WDR27: variants seen among roughly 807,000 people sequenced by gnomAD.
The protein encoded by WDR27 is WD repeat domain 27.
Under a neutral mutation model 114.4 loss-of-function variants are expected in WDR27, and 100 were observed. That is an observed-to-expected ratio of 0.87 (90% CI 0.74 to 1.03). WDR27 has a LOEUF of 1.03. Among genes scored for constraint, WDR27 ranks in the 50% least tolerant of loss-of-function variants. The pLI is 0.00. For synonymous variants in WDR27, 449 were observed against 423.1 expected (o/e 1.06, Z -0.75); for missense variants, 1,129 against 1,092.9 (o/e 1.03, Z -0.47).
chr6:169,675,123 C>T (rs1779765252), intron 2 of WDR27, among the ~76,000 whole-genome samples: 1 of 152,162 alleles, frequency 6.6e-6, no homozygotes, highest in Non-Finnish European at 1.5e-5. Context: ...AGCTTGGGCT[C>T]AGAGGCCTGA....
chr6:169,526,671 T>TAAAATTTTGCTTACTAA (rs1483552411), intron 25 of WDR27, among the ~76,000 whole-genome samples: 1 of 151,980 alleles, frequency 6.6e-6, no homozygotes, highest in African/African-American at 2.4e-5. Context: ...TAAATGAAAT[T>TAAAATTTTGCTTACTAA]AAAATTTTGC....
At position 169,668,124 on chromosome 6, in the gene WDR27, G is replaced by A; in HGVS notation, c.518C>T (p.Pro173Leu). The change falls in exon 5 of 26, where the codon CCA becomes CTA. Residue 173 changes from proline (P) to leucine (L), a missense_variant. Physicochemically the swap from Pro to Leu is moderately conservative, Grantham distance 98 (BLOSUM62 -3). Coordinates refer to ENST00000448612, the MANE Select transcript of WDR27 (RefSeq NM_182552.5). ...PDVNNRHKVP[P>L]PTFLHTFSQT... Reference sequence around the variant, plus strand: ...AGAGAATGTGTGCAGGAAGGTCGGTGGTGGGACTTTGTGGCGGTTATTAAC... The same window carrying A: ...AGAGAATGTGTGCAGGAAGGTCGGTAGTGGGACTTTGTGGCGGTTATTAAC... 1 of 1,614,040 alleles carries A rather than the reference G, an allele frequency of 6.2e-7. No individual in the cohort carries two copies. Among genetic ancestry groups the A allele is most frequent in the Non-Finnish European group, 8.5e-7 (1 of 1,179,902 alleles).
chr6:169,615,011 T>TA (rs1409225377), intron 21 of WDR27, among the ~76,000 whole-genome samples: 1 of 151,914 alleles, frequency 6.6e-6, no homozygotes, highest in African/African-American at 2.4e-5. Context: ...GGTAAACTTT[T>TA]AAAAAATGTG....
At chr6:169,654,921 T>C (rs1042037616) in intron 13 of WDR27, among the ~76,000 whole-genome samples, 2 of 152,186 alleles carry the variant, frequency 1.3e-5, no homozygotes, top group Admixed American at 6.5e-5. Flanking sequence ...TTAGTGACAG[T>C]GCGGGATCAT....
chr6:169,542,566 T>C (rs1796959318), intron 25 of WDR27, among the ~76,000 whole-genome samples: 1 of 152,112 alleles, frequency 6.6e-6, no homozygotes. Flanking sequence ...AGGAAAATGG[T>C]GACAAAGCAT....
chr6:169,636,388 G>C lies in WDR27; in HGVS notation c.1986C>G (p.Cys662Trp). 2 of 1,613,806 alleles carry C rather than the reference G, an allele frequency of 1.2e-6. No individual in the cohort carries two copies. The highest frequency in any genetic ancestry group is 1.1e-5 in the South Asian group (1 of 91,048). The stretch of plus-strand genomic sequence containing the variant: ...GTGCCTACCTCTTAATCTCATCTTT[G>C]CAAGTGTCAATGTGATACCTCAGTA... ...FQLLRYHIDT[C>W]KDEIKRYKQK... The change falls in exon 19 of 26, where the codon TGC becomes TGG. Residue 662 changes from cysteine (C) to tryptophan (W), a missense_variant. Cys to Trp is a radical substitution (Grantham distance 215). Coordinates refer to ENST00000448612, the MANE Select transcript of WDR27 (RefSeq NM_182552.5).
downstream of WDR27, among the ~76,000 whole-genome samples, chr6:169,454,627 C>T (rs1784278611): frequency 6.6e-6 from 1 of 152,144 alleles, no homozygotes; most frequent in Non-Finnish European, 1.5e-5. Context: ...ATGTTCAGAC[C>T]ACCCCCCTTG....
chr6:169,647,782 G>A lies in WDR27; in HGVS notation c.1648C>T (p.Gln550Ter), dbSNP rs1175000451. 3.2e-6 allele frequency: 5 copies of A among 1,580,954 alleles called. No homozygotes were observed. In the East Asian group the frequency reaches 1.2e-4, roughly 36 times the overall value. The change falls in exon 16 of 26, where the codon CAG becomes TAG. Residue 550 changes from glutamine (Q) to a stop codon, truncating the protein, a stop_gained. Coordinates refer to ENST00000448612, the MANE Select transcript of WDR27 (RefSeq NM_182552.5). LOFTEE classifies it high-confidence loss of function. ...APTCTRVCCI[Q>*]YSGDGQWLAC... ...GCAGGACGTGGCGCACCTGAGTACT[G>A]GATGCAGCATACACGTGTGCAGGTG...
chr6:169,672,308 A>G lies in WDR27; in HGVS notation c.278T>C (p.Leu93Pro), dbSNP rs764651548. 1 of 1,613,838 alleles carries G rather than the reference A, an allele frequency of 6.2e-7. No individual in the cohort carries two copies. The highest frequency in any genetic ancestry group is 1.1e-5 in the South Asian group (1 of 91,044). ...CAGGTTCCACATTATAACATAATCC[A>G]GTGATGCTGAGCAGATTAGAAGTGG... The part of the protein sequence containing the change: ...VNPLLICSAS[L>P]DYVIMWNLDE... Residue 93 changes from leucine (L) to proline (P), a missense_variant, in exon 3 of 26, where the codon CTG becomes CCG. Transcript: ENST00000448612.
At chr6:169,635,039 T>C (rs908700988) in intron 19 of WDR27, among the ~76,000 whole-genome samples, 3 of 152,180 alleles carry the variant, frequency 2.0e-5, no homozygotes, top group Non-Finnish European at 2.9e-5. Flanking sequence ...CGCTGTGACA[T>C]GAGCTGACTT....
At chr6:169,464,349 G>A (rs1324553090) in intron 25 of WDR27, among the ~76,000 whole-genome samples, 1 of 152,098 alleles carries the variant, frequency 6.6e-6, no homozygotes, top group Non-Finnish European at 1.5e-5. Flanking sequence ...GAATGAAGCT[G>A]GATCCTTTCC....
rs562031391 is a variant in WDR27, at chr6:169,587,461, C to T, written c.2425-4527G>A. On this transcript the variant is annotated intron_variant, in intron 23 of 25. Coordinates refer to ENST00000448612, the MANE Select transcript of WDR27 (RefSeq NM_182552.5). ...CTCGAACTCTTGACCTCAGGTGATC[C>T]ACCCGCCTTGGCCTCCCAAAGTGCT... Among the ~76,000 whole-genome samples the T allele has an allele frequency of 4.6e-5, 7 of 152,120 alleles. No individual in the cohort carries two copies. The East Asian group carries it at 9.7e-4, about 21-fold the overall frequency.
intron 25 of WDR27, among the ~76,000 whole-genome samples, chr6:169,563,684 G>T (rs1436325115): frequency 6.6e-6 from 1 of 152,176 alleles, no homozygotes; most frequent in Non-Finnish European, 1.5e-5. Flanking sequence ...AATCAAAACA[G>T]ATTTTCTTTC....
chr6:169,435,559 G>C, the WDR27 span, among the ~76,000 whole-genome samples: 2 of 152,328 alleles, frequency 1.3e-5, no homozygotes, highest in East Asian at 3.9e-4. Context: ...TGGAGTCAAA[G>C]GAGATTATTT....
intron 13 of WDR27, among the ~76,000 whole-genome samples, chr6:169,656,588 G>A (rs77641251): frequency 0.018 from 2,674 of 152,162 alleles, 79 homozygotes; most frequent in African/African-American, 0.062. Context: ...CGAGGAGGCC[G>A]GGAGGGATCA....
intron 24 of WDR27, among the ~76,000 whole-genome samples, chr6:169,575,868 G>A (rs1291175689): frequency 6.6e-6 from 1 of 152,218 alleles, no homozygotes; most frequent in Non-Finnish European, 1.5e-5. Flanking sequence ...AAGGAAGGAT[G>A]AATATTTTAA....
In WDR27 at chr6:169,616,357, G is replaced by A. The variant is rs189362402; in HGVS notation, c.2224-2701C>T. Among the ~76,000 whole-genome samples, 132 of 152,074 alleles carry A rather than the reference G, an allele frequency of 8.7e-4. 1 individual carries two copies. The highest frequency in any genetic ancestry group is 2.7e-3 in the African/African-American group (111 of 41,494). On this transcript the variant is annotated intron_variant, in intron 21 of 25. Coordinates refer to ENST00000448612, the MANE Select transcript of WDR27 (RefSeq NM_182552.5). ...ACAAAAATTAGCTGGGTGTGGTGGC[G>A]GGCACCTGTAGTCCCAGCTACTCAG...
rs777923347 is a variant in WDR27, at chr6:169,668,018, GC to G, written c.623del (p.Gly208AlafsTer22). 1 of 1,613,926 alleles carries G rather than the reference GC, an allele frequency of 6.2e-7. No homozygotes were observed. Among genetic ancestry groups the G allele is most frequent in the Admixed American group, 1.7e-5 (1 of 60,030 alleles). ...TGTCCTCAGACGCCGAGATGAGGGT[GC>G]CTGCTCGCCAGGGACAGAACTCCAC... ...TAVEFCPWRA[G>X]TLISASEDRG... On this transcript the variant is annotated frameshift_variant, in exon 5 of 26. Transcript: ENST00000448612. LOFTEE classifies it high-confidence loss of function.
intron 18 of WDR27, 44 bp downstream of exon 18, chr6:169,638,495 T>A (rs1240958388): frequency 1.9e-6 from 3 of 1,602,684 alleles, no homozygotes; most frequent in South Asian, 2.2e-5. Flanking sequence ...AGCTCTCAGC[T>A]CCTTTGGAAA....
Sources: allele counts gnomAD v4.1 joint callset (sites outside exome capture counted in the v4.1 genomes callset), GRCh38; gene constraint gnomAD v4.1.1; transcripts MANE v1.5; gene names NCBI Gene and HGNC (gene_info 2026-07-23, HGNC 2026-07-21).